The following MCC variants were observed in gnomAD, a reference collection of about 807,000 sequenced individuals.
The protein encoded by MCC is colorectal mutant cancer protein.
In MCC, 90 loss-of-function variants were observed where a neutral mutation model predicts 116.2. The ratio of observed to expected loss-of-function variants is 0.77; its 90% confidence interval spans 0.65 to 0.92. The LOEUF is 0.92. Ranked by LOEUF, MCC falls within the 40% of genes least tolerant of loss-of-function variation. MCC has a pLI of 0.00. For missense variants in MCC, 1,516 were observed against 1,312.2 expected, an observed-to-expected ratio of 1.16 and a Z score of -2.40; for synonymous variants, 578 against 510.5, an observed-to-expected ratio of 1.13 and a Z score of -1.78.
At chr5:113,054,070 A>G in intron 14 of MCC, 111 bp from the exon 15 acceptor site, 1 of 744,224 alleles carries the variant, frequency 1.3e-6, no homozygotes, top group Non-Finnish European at 2.2e-6. Context: ...TGTTATTTAG[A>G]TGGTAATCCA....
At chr5:113,121,947 G>A (rs887671415) in intron 6 of MCC, among the ~76,000 whole-genome samples, 9 of 152,178 alleles carry the variant, frequency 5.9e-5, no homozygotes, top group Admixed American at 5.9e-4. Context: ...GGCAAGACCA[G>A]TAGTTTTGTA....
At chr5:113,357,623 G>C (rs1768445908) in intron 2 of MCC, among the ~76,000 whole-genome samples, 1 of 152,206 alleles carries the variant, frequency 6.6e-6, no homozygotes, top group Non-Finnish European at 1.5e-5. Flanking sequence ...AAGATCTCAG[G>C]AGTTGGGGCA....
At chr5:113,462,959 T>C (rs1376607834) in intron 1 of MCC, among the ~76,000 whole-genome samples, 1 of 151,918 alleles carries the variant, frequency 6.6e-6, no homozygotes, top group Non-Finnish European at 1.5e-5. Context: ...TGGAGATAAG[T>C]AACACAAGAA....
At chr5:113,482,806 C>T (rs1772413718) in intron 1 of MCC, among the ~76,000 whole-genome samples, 1 of 152,080 alleles carries the variant, frequency 6.6e-6, no homozygotes, top group Non-Finnish European at 1.5e-5. Context: ...TTTGGTGTCA[C>T]ATATAAGAAT....
At chr5:113,357,333 G>A (rs1161513862) in intron 2 of MCC, among the ~76,000 whole-genome samples, 2 of 152,096 alleles carry the variant, frequency 1.3e-5, no homozygotes, top group African/African-American at 4.8e-5. Flanking sequence ...GCTTCTGAAA[G>A]GTAACAATTA....
chr5:113,461,759 A>T lies in MCC; in HGVS notation c.170+26486T>A, dbSNP rs868674870. On this transcript the variant is annotated intron_variant, in intron 1 of 18. Transcript: ENST00000408903. Reference sequence around the variant, plus strand: ...CTTGCACCAGTAAAAAAAAAAAAAAAAAAAAAAAATTCTGACAGGTGTTTA... The same window carrying T: ...CTTGCACCAGTAAAAAAAAAAAAAATAAAAAAAAATTCTGACAGGTGTTTA... 7.7e-3 allele frequency among the ~76,000 whole-genome samples: 1,171 copies of T among 151,946 alleles called. 8 individuals carry two copies. Among genetic ancestry groups the T allele is most frequent in the Non-Finnish European group, 0.012 (797 of 67,934 alleles).
At chr5:113,443,539 A>G (rs1000364748) in intron 1 of MCC, among the ~76,000 whole-genome samples, 1 of 152,148 alleles carries the variant, frequency 6.6e-6, no homozygotes, top group Admixed American at 6.5e-5. Flanking sequence ...TATGTGGAAC[A>G]GGAGTGGTGA....
At chr5:113,090,252 G>A (rs1300834677) in intron 8 of MCC, among the ~76,000 whole-genome samples, 4 of 151,968 alleles carry the variant, frequency 2.6e-5, no homozygotes, top group African/African-American at 9.7e-5. Flanking sequence ...GACTGTCAGG[G>A]GAAGATGCGA....
chr5:113,456,772 A>G (rs2039776172), intron 1 of MCC, among the ~76,000 whole-genome samples: 1 of 146,722 alleles, frequency 6.8e-6, no homozygotes, highest in Non-Finnish European at 1.5e-5. Context: ...CGCCCGGCCA[A>G]TGAGCACTAC....
chr5:113,472,060 T>C (rs1289193943), intron 1 of MCC, among the ~76,000 whole-genome samples: 1 of 152,164 alleles, frequency 6.6e-6, no homozygotes, highest in African/African-American at 2.4e-5. Flanking sequence ...GTGCCGTCTG[T>C]CACCCCTTTC....
chr5:113,127,736 T>C (rs955859093), intron 5 of MCC, among the ~76,000 whole-genome samples: 3 of 152,192 alleles, frequency 2.0e-5, no homozygotes, highest in Non-Finnish European at 4.4e-5. Flanking sequence ...TTATAGATGC[T>C]GGAAAGACCT....
chr5:113,163,922 T>A (rs1311887398), intron 3 of MCC, among the ~76,000 whole-genome samples: 1 of 152,220 alleles, frequency 6.6e-6, no homozygotes, highest in African/African-American at 2.4e-5. Flanking sequence ...CCCCAGGTAA[T>A]CTCTGTGTAG....
intron 3 of MCC, among the ~76,000 whole-genome samples, chr5:113,241,265 G>C (rs1764353477): frequency 1.3e-5 from 2 of 152,070 alleles, no homozygotes; most frequent in South Asian, 4.1e-4. Context: ...TAAAATGATA[G>C]CAAATAAAAT....
At chr5:113,403,184 G>A (rs1769740340) in intron 1 of MCC, among the ~76,000 whole-genome samples, 1 of 152,098 alleles carries the variant, frequency 6.6e-6, no homozygotes, top group African/African-American at 2.4e-5. Context: ...TTAGAGACCA[G>A]TGTGGGAAGG....
intron 1 of MCC, chr5:113,448,077 C>G (rs1580388183): frequency 1.3e-5 from 2 of 152,238 alleles, no homozygotes; most frequent in East Asian, 3.8e-4. Flanking sequence ...AGTGGATTAA[C>G]CATCGCTATA....
At chr5:113,446,178 G>A (rs569063466) in intron 1 of MCC, among the ~76,000 whole-genome samples, 1 of 152,188 alleles carries the variant, frequency 6.6e-6, no homozygotes, top group Non-Finnish European at 1.5e-5. Flanking sequence ...ACACCATTCT[G>A]AACAATGACC....
At chr5:113,148,683 T>C (rs187973873) in intron 4 of MCC, among the ~76,000 whole-genome samples, 1 of 152,232 alleles carries the variant, frequency 6.6e-6, no homozygotes, top group Non-Finnish European at 1.5e-5. Flanking sequence ...GTTCTTATAT[T>C]TTTCTTGCAT....
Position 113,271,267 on chromosome 5 carries a change from C to A in MCC, c.627+69252G>T, listed in dbSNP as rs551078735. Among the ~76,000 whole-genome samples the A allele has an allele frequency of 4.5e-4, 68 of 152,290 alleles. 1 individual carries two copies. The South Asian group carries it at 0.013, about 29-fold the overall frequency. On this transcript the variant is annotated intron_variant, in intron 3 of 18. Coordinates refer to ENST00000408903, the MANE Select transcript of MCC (RefSeq NM_001085377.2). Reference sequence around the variant, plus strand: ...CTCAGTTTCCCATCATTAACAATGGCACAGTCATCTCTTCTACCACCTACC... The same window carrying A: ...CTCAGTTTCCCATCATTAACAATGGAACAGTCATCTCTTCTACCACCTACC...
intron 1 of MCC, among the ~76,000 whole-genome samples, chr5:113,389,568 G>GA (rs1464214558): frequency 6.6e-6 from 1 of 152,086 alleles, no homozygotes; most frequent in Non-Finnish European, 1.5e-5. Flanking sequence ...ACAGTTTTGT[G>GA]ACAGCTTTTG....
Sources: gnomAD v4.1 joint callset for allele counts (sites outside exome capture counted in the v4.1 genomes callset) on GRCh38, gnomAD v4.1.1 for gene constraint, MANE v1.5 for transcripts, NCBI Gene and HGNC (gene_info 2026-07-23, HGNC 2026-07-21) for gene names.